The following HYDIN variants were observed in gnomAD, a reference collection of about 807,000 sequenced individuals.
The protein encoded by HYDIN is HYDIN axonemal central pair apparatus protein.
A neutral mutation model predicts 403.9 loss-of-function variants in HYDIN; 132 were observed. That is an observed-to-expected ratio of 0.33 (90% CI 0.28 to 0.38). The LOEUF (loss-of-function observed/expected upper bound fraction) is 0.38. HYDIN is among the 10% of genes least tolerant of loss of function. The pLI is 1.00. For synonymous variants in HYDIN, 1,202 were observed against 1,891.7 expected, an observed-to-expected ratio of 0.64 and a Z score of 9.46; for missense variants, 2,827 against 5,009.5, an observed-to-expected ratio of 0.56 and a Z score of 13.15.
rs2034986979 is a variant in HYDIN, at chr16:70,803,627, G to A, written c.*3953C>T. ...ATGACATAACTTGTAGCAAGAGGCT[G>A]CTGATGACATTGTAAGAAATTGTAC... On this transcript the variant is annotated 3_prime_UTR_variant, in exon 86 of 86. Coordinates refer to ENST00000393567, the MANE Select transcript of HYDIN (RefSeq NM_001270974.2). 6.6e-6 allele frequency among the ~76,000 whole-genome samples: 1 copy of A among 152,242 alleles called. No individual in the cohort carries two copies. The highest frequency in any genetic ancestry group is 2.4e-5 in the African/African-American group (1 of 41,460).
chr16:71,051,106 C>G (rs1698926245), intron 18 of HYDIN, among the ~76,000 whole-genome samples: 1 of 150,038 alleles, frequency 6.7e-6, no homozygotes, highest in African/African-American at 2.5e-5. Context: ...ACAGCATACT[C>G]AAATAATAGT....
intron 23 of HYDIN, among the ~76,000 whole-genome samples, chr16:70,993,168 A>G (rs2079415280): frequency 2.0e-5 from 3 of 152,180 alleles, no homozygotes; most frequent in Admixed American, 2.0e-4. Flanking sequence ...TTCTTTTAGG[A>G]CACTGTCCAC....
chr16:71,012,847 C>CTTT (rs35998725), intron 23 of HYDIN, among the ~76,000 whole-genome samples: 2 of 125,772 alleles, frequency 1.6e-5, no homozygotes, highest in African/African-American at 5.9e-5. Context: ...AACCAGGTGG[C>CTTT]TTTTTTTTTT....
At chr16:70,908,969 C>G in intron 47 of HYDIN, 108 bp from the exon 48 acceptor site, 2 of 1,313,726 alleles carry the variant, frequency 1.5e-6, no homozygotes, top group South Asian at 2.9e-5. Flanking sequence ...GCTGCAGGGT[C>G]AGGAAGGCTA....
rs565891088 is a variant in HYDIN, at chr16:71,211,503, G to C, written c.-24+19059C>G. Among the ~76,000 whole-genome samples, 5 of 152,094 alleles carry C rather than the reference G, an allele frequency of 3.3e-5. No individual in the cohort carries two copies. In the East Asian group the frequency reaches 9.7e-4, roughly 29 times the overall value. ...AAAATACAAAAAAAATTAGCCGGGC[G>C]TGGTGAGGGGCACCTGTAGTCCCAG... On this transcript the variant is annotated intron_variant, in intron 1 of 85. Coordinates refer to ENST00000393567, the MANE Select transcript of HYDIN (RefSeq NM_001270974.2).
At chr16:71,221,561 G>A (rs1431020629) in intron 1 of HYDIN, among the ~76,000 whole-genome samples, 1 of 152,078 alleles carries the variant, frequency 6.6e-6, no homozygotes, top group Non-Finnish European at 1.5e-5. Flanking sequence ...TACTAAGAGA[G>A]TGGGAAAAGC....
chr16:70,842,652 G>C (rs2037907363), intron 75 of HYDIN, among the ~76,000 whole-genome samples: 1 of 151,574 alleles, frequency 6.6e-6, no homozygotes, highest in Non-Finnish European at 1.5e-5. Context: ...CACATAGTTG[G>C]ATCATGATTT....
chr16:70,870,823 A>G (rs1443946191), intron 65 of HYDIN, among the ~76,000 whole-genome samples: 1 of 148,694 alleles, frequency 6.7e-6, no homozygotes, highest in Non-Finnish European at 1.5e-5. Flanking sequence ...TGAGCTCAGG[A>G]GTTTGAGACC....
At chr16:71,203,290 C>T (rs541834735) in intron 1 of HYDIN, among the ~76,000 whole-genome samples, 9 of 152,230 alleles carry the variant, frequency 5.9e-5, no homozygotes, top group African/African-American at 1.9e-4. Context: ...CCTAACTAAA[C>T]GGACTAATAA....
At chr16:71,224,151 G>C (rs897598218) in intron 1 of HYDIN, among the ~76,000 whole-genome samples, 2 of 152,318 alleles carry the variant, frequency 1.3e-5, no homozygotes, top group African/African-American at 2.4e-5. Context: ...CAGCAACTTG[G>C]ATGCAGCTGG....
At chr16:70,932,009 C>CAAA (rs57391181) in intron 45 of HYDIN, among the ~76,000 whole-genome samples, 10 of 29,070 alleles carry the variant, frequency 3.4e-4, no homozygotes, top group East Asian at 1.5e-3. Flanking sequence ...AGACTTGTAT[C>CAAA]AAAAAAAAAA....
intron 18 of HYDIN, among the ~76,000 whole-genome samples, chr16:71,048,404 A>C (rs976248628): frequency 1.6e-5 from 2 of 129,032 alleles, no homozygotes; most frequent in Non-Finnish European, 3.5e-5. Flanking sequence ...TAGTTTTTTG[A>C]GCAGTCTCCA....
At chr16:71,191,694 A>G (rs1276162667) in intron 1 of HYDIN, among the ~76,000 whole-genome samples, 1 of 151,922 alleles carries the variant, frequency 6.6e-6, no homozygotes, top group Non-Finnish European at 1.5e-5. Flanking sequence ...CCCGGCAGCT[A>G]TTTCTCTTCC....
chr16:71,148,486 C>T (rs2085407043), intron 7 of HYDIN, among the ~76,000 whole-genome samples: 1 of 152,110 alleles, frequency 6.6e-6, no homozygotes, highest in South Asian at 2.1e-4. Context: ...CCAAAATCAT[C>T]TACAGATAAG....
intron 53 of HYDIN, among the ~76,000 whole-genome samples, chr16:70,897,804 G>A (rs2076248291): frequency 6.6e-6 from 1 of 152,206 alleles, no homozygotes; most frequent in Non-Finnish European, 1.5e-5. Flanking sequence ...GTTCCACGCT[G>A]CTTTGTTCAG....
intron 5 of HYDIN, among the ~76,000 whole-genome samples, chr16:71,173,157 G>A (rs1271347980): frequency 6.6e-5 from 10 of 152,200 alleles, no homozygotes; most frequent in Admixed American, 6.5e-4. Context: ...TCCAACACAA[G>A]ATCTTAATGT....
At chr16:70,813,526 G>A (rs1380788268) in intron 84 of HYDIN, among the ~76,000 whole-genome samples, 1 of 150,480 alleles carries the variant, frequency 6.6e-6, no homozygotes, top group African/African-American at 2.4e-5. Flanking sequence ...AAACCACCTG[G>A]CCAAGGTGCT....
At chr16:71,071,960 C>T (rs1384114296) in intron 13 of HYDIN, among the ~76,000 whole-genome samples, 6 of 152,018 alleles carry the variant, frequency 3.9e-5, no homozygotes, top group African/African-American at 9.7e-5. Flanking sequence ...GATCATTATG[C>T]AAATCAGGTG....
chr16:71,106,276 T>C (rs886512413), intron 10 of HYDIN, among the ~76,000 whole-genome samples: 1 of 152,136 alleles, frequency 6.6e-6, no homozygotes, highest in Non-Finnish European at 1.5e-5. Context: ...TGCTTCTTCA[T>C]GTATTTTCAC....
Sources: allele counts gnomAD v4.1 joint callset (sites outside exome capture counted in the v4.1 genomes callset), GRCh38; gene constraint gnomAD v4.1.1; transcripts MANE v1.5; gene names NCBI Gene and HGNC (gene_info 2026-07-23, HGNC 2026-07-21).